Variants in ZNF439 observed in about 807,000 individuals in gnomAD.
ZNF439 encodes zinc finger protein 439.
A neutral mutation model predicts 47.3 loss-of-function variants in ZNF439; 40 were observed. That is an observed-to-expected ratio of 0.85 (90% CI 0.66 to 1.10). The LOEUF (loss-of-function observed/expected upper bound fraction) is 1.10, where lower values mean the gene tolerates loss of function less well. Ranked by LOEUF, ZNF439 falls within the 50% of genes least tolerant of loss-of-function variation. ZNF439 has a pLI of 0.00. For missense variants in ZNF439, 556 were observed against 601.1 expected (o/e 0.93, Z 0.78); for synonymous variants, 171 against 198.8 (o/e 0.86, Z 1.18).
chr19:11,863,148 T>C (rs552075284), intron 1 of ZNF439, among the ~76,000 whole-genome samples: 5 of 147,178 alleles, frequency 3.4e-5, no homozygotes, highest in Admixed American at 7.1e-5. Context: ...TTGGAAAGAT[T>C]TTGCTTTTTT....
chr19:11,868,715 C>T lies in ZNF439; in HGVS notation c.*146C>T. ...TCCTTTCGATATCTAAAAGGACTCA[C>T]AGTGGAGAAAAACTCTATGAGTGTA... On this transcript the variant is annotated 3_prime_UTR_variant, in exon 4 of 4. Coordinates refer to ENST00000682736, the MANE Select transcript of ZNF439 (RefSeq NM_001348719.2). 7 of 905,270 alleles carry T rather than the reference C, an allele frequency of 7.7e-6. No individual in the cohort carries two copies. Among genetic ancestry groups the T allele is most frequent in the Admixed American group, 2.3e-5 (1 of 43,228 alleles). 56.1% of individuals were successfully genotyped at this position (905,270 alleles called of 1,614,324 possible).
At chr19:11,852,428 T>C (rs1330076691) in intron 1 of ZNF439, among the ~76,000 whole-genome samples, 1 of 152,246 alleles carries the variant, frequency 6.6e-6, no homozygotes, top group Non-Finnish European at 1.5e-5. Flanking sequence ...CTGTGTGTCA[T>C]GTGACTCAAC....
At chr19:11,865,865 TA>T (rs1568260196) in intron 1 of ZNF439, 1 of 326,304 alleles carries the variant, frequency 3.1e-6, no homozygotes, top group Non-Finnish European at 4.9e-6. Flanking sequence ...CTGTCTCTAC[TA>T]AAAATACAAA....
At chr19:11,859,272 G>A (rs1976475653) in intron 1 of ZNF439, among the ~76,000 whole-genome samples, 1 of 152,142 alleles carries the variant, frequency 6.6e-6, no homozygotes, top group Admixed American at 6.5e-5. Context: ...TGGAATTGTG[G>A]CCCAGGCACA....
chr19:11,851,662 ATT>A (rs59080807), intron 1 of ZNF439, among the ~76,000 whole-genome samples: 25,058 of 145,820 alleles, frequency 0.17, 2,710 homozygotes, highest in Middle Eastern at 0.32. Flanking sequence ...CAATAATTTA[ATT>A]TTTTTTTTTT....
chr19:11,853,438 G>C (rs977741181), intron 1 of ZNF439, among the ~76,000 whole-genome samples: 3 of 152,154 alleles, frequency 2.0e-5, no homozygotes, highest in Admixed American at 2.0e-4. Context: ...TGAGTAAAGG[G>C]GATAGAGAGA....
At chr19:11,857,603 A>G (rs1976421693) in intron 1 of ZNF439, 2 of 152,328 alleles carry the variant, frequency 1.3e-5, no homozygotes, top group Admixed American at 1.3e-4. Context: ...ACAAGTTGCA[A>G]CTCAGCTTCT....
At chr19:11,858,643 A>G (rs1200592616) in intron 1 of ZNF439, among the ~76,000 whole-genome samples, 1 of 152,116 alleles carries the variant, frequency 6.6e-6, no homozygotes, top group African/African-American at 2.4e-5. Flanking sequence ...AACACTGGTG[A>G]ATTCCAGTGG....
chr19:11,855,259 C>G (rs886886527), intron 1 of ZNF439, among the ~76,000 whole-genome samples: 1 of 152,178 alleles, frequency 6.6e-6, no homozygotes, highest in Non-Finnish European at 1.5e-5. Context: ...TCCACAATGT[C>G]TGCAGTTAAC....
chr19:11,868,280 A>G lies in ZNF439; in HGVS notation c.1226A>G (p.His409Arg). Residue 409 changes from histidine (H) to arginine (R), a missense_variant, in exon 4 of 4, where the codon CAC becomes CGC. By Grantham distance (29) the His-to-Arg change is conservative (BLOSUM62 0). Transcript: ENST00000682736. ...TCCTTTCGATATCATGAAAGGACTC[A>G]CACTGGAGAGAAACCCTATGAGTGT... ...SGSFRYHERTHTGEKPYECKQ... is the reference protein window; with the variant it reads ...SGSFRYHERTRTGEKPYECKQ... 6.2e-7 allele frequency: 1 copy of G among 1,614,136 alleles called. No individual in the cohort carries two copies. Among genetic ancestry groups the G allele is most frequent in the South Asian group, 1.1e-5 (1 of 91,078 alleles).
chr19:11,852,203 A>C (rs1211884205), intron 1 of ZNF439, among the ~76,000 whole-genome samples: 1 of 152,158 alleles, frequency 6.6e-6, no homozygotes, highest in Non-Finnish European at 1.5e-5. Context: ...AGGCAGGTGG[A>C]TGGCTTGATC....
At chr19:11,863,011 A>C (rs574048732) in intron 1 of ZNF439, among the ~76,000 whole-genome samples, 1 of 151,384 alleles carries the variant, frequency 6.6e-6, no homozygotes, top group African/African-American at 2.4e-5. Context: ...GGCCTCCCAA[A>C]CTGTTGGATT....
chr19:11,856,455 G>C (rs557635710), intron 1 of ZNF439: 1 of 152,138 alleles, frequency 6.6e-6, no homozygotes, highest in African/African-American at 2.4e-5. Context: ...AATGATGACC[G>C]ACAATGTCAC....
chr19:11,861,885 G>C (rs933344630), intron 1 of ZNF439, among the ~76,000 whole-genome samples: 2 of 152,140 alleles, frequency 1.3e-5, no homozygotes, highest in Admixed American at 6.5e-5. Context: ...ATCTATCCTG[G>C]AAACAGACAT....
At chr19:11,861,186 A>G (rs1293432780) in intron 1 of ZNF439, among the ~76,000 whole-genome samples, 1 of 152,198 alleles carries the variant, frequency 6.6e-6, no homozygotes, top group African/African-American at 2.4e-5. Flanking sequence ...ATTTCACATG[A>G]GAGGAAAGCA....
At chr19:11,856,637 A>T (rs546025109) in intron 1 of ZNF439, 1 of 152,274 alleles carries the variant, frequency 6.6e-6, no homozygotes, top group South Asian at 2.1e-4. Flanking sequence ...TTCCACAGGT[A>T]TAACACCAGG....
Position 11,848,872 on chromosome 19 carries a change from C to A in ZNF439, c.5C>A (p.Pro2His). The A allele has an allele frequency of 6.4e-7, 1 of 1,568,032 alleles. No individual in the cohort carries two copies. Residue 2 changes from proline (P) to histidine (H), a missense_variant, in exon 1 of 4, where the codon CCC (proline) becomes CAC (histidine). Pro to His is a moderately conservative substitution (Grantham distance 77). Transcript: ENST00000682736. M[P>H]CFTHRSCRED... ...TGTCGCTCTGTCACCTGCGCTATGC[C>A]CTGCTTTACTCACAGGAGCTGTAGA...
At chr19:11,866,514 A>C in intron 2 of ZNF439, 23 bp from the exon 3 acceptor site, 1 of 1,611,754 alleles carries the variant, frequency 6.2e-7, no homozygotes, top group Non-Finnish European at 8.5e-7. Context: ...CCTCAGGATT[A>C]TTTTTCTGTG....
chr19:11,866,105 T>A (rs1976672674), intron 1 of ZNF439, 100 bp from the exon 2 acceptor site: 13 of 1,570,164 alleles, frequency 8.3e-6, no homozygotes, highest in Non-Finnish European at 1.1e-5. Flanking sequence ...GAATAAATGT[T>A]TGGAGTCCAC....
Sources: allele counts gnomAD v4.1 joint callset (sites outside exome capture counted in the v4.1 genomes callset), GRCh38; gene constraint gnomAD v4.1.1; transcripts MANE v1.5; gene names NCBI Gene and HGNC (gene_info 2026-07-23, HGNC 2026-07-21).